OPRM1: variants seen among roughly 807,000 people sequenced by gnomAD.
The protein encoded by OPRM1 is opioid receptor mu 1, also known as mu-type opioid receptor.
In OPRM1, 27 loss-of-function variants were observed where a neutral mutation model predicts 31.8. That is an observed-to-expected ratio of 0.85 (90% confidence interval 0.63 to 1.17). The LOEUF is 1.17. Among genes scored for constraint, OPRM1 ranks in the 50% most tolerant of loss-of-function variants. The probability of loss-of-function intolerance (pLI) is 0.00; values close to 1 mark genes in which losing one functional copy is unlikely to be tolerated. For synonymous variants in OPRM1, 196 were observed against 189.9 expected, an observed-to-expected ratio of 1.03 and a Z score of -0.26; for missense variants, 536 against 511.1, an observed-to-expected ratio of 1.05 and a Z score of -0.47.
intron 1 of OPRM1, among the ~76,000 whole-genome samples, chr6:154,084,915 TAAACACAC>T (rs1462482448): frequency 8.6e-6 from 1 of 116,584 alleles, no homozygotes; most frequent in Non-Finnish European, 1.8e-5. Context: ...GATGTGGAAT[TAAACACAC>T]ACACACACAC....
At chr6:154,147,183 T>C (rs942767438) in intron 3 of OPRM1, among the ~76,000 whole-genome samples, 1 of 152,168 alleles carries the variant, frequency 6.6e-6, no homozygotes, top group Non-Finnish European at 1.5e-5. Context: ...GCAGCCACCA[T>C]TCACTGTAAT....
intron 3 of OPRM1, among the ~76,000 whole-genome samples, chr6:154,228,971 C>T (rs1462858282): frequency 2.6e-5 from 4 of 152,216 alleles, no homozygotes; most frequent in African/African-American, 7.2e-5. Flanking sequence ...CCCTATAATG[C>T]CCTTCCTACC....
chr6:154,056,673 G>C (rs1001224744), intron 1 of OPRM1, among the ~76,000 whole-genome samples: 1 of 151,886 alleles, frequency 6.6e-6, no homozygotes. Context: ...CAATGGAAGG[G>C]AAGGCCTCTT....
chr6:154,197,544 G>C (rs757680359), intron 3 of OPRM1, among the ~76,000 whole-genome samples: 1 of 152,204 alleles, frequency 6.6e-6, no homozygotes, highest in Non-Finnish European at 1.5e-5. Flanking sequence ...GCTGTTTGAA[G>C]AAGTATACAG....
At chr6:154,164,044 C>T (rs926440717) in intron 3 of OPRM1, among the ~76,000 whole-genome samples, 1 of 152,284 alleles carries the variant, frequency 6.6e-6, no homozygotes, top group Admixed American at 6.5e-5. Flanking sequence ...ACAACAACAA[C>T]AAAAGCTTTC....
intron 1 of OPRM1, among the ~76,000 whole-genome samples, chr6:154,019,884 C>T (rs1778257890): frequency 6.6e-6 from 1 of 151,782 alleles, no homozygotes; most frequent in Non-Finnish European, 1.5e-5. Flanking sequence ...CAGACACATG[C>T]CACCGTGCTT....
At chr6:154,011,861 A>G (rs530621582) in intron 1 of OPRM1, among the ~76,000 whole-genome samples, 1 of 151,998 alleles carries the variant, frequency 6.6e-6, no homozygotes, top group South Asian at 2.1e-4. Context: ...ATTTAACATT[A>G]TGAAAAAAGA....
intron 3 of OPRM1, among the ~76,000 whole-genome samples, chr6:154,241,163 G>A (rs572963230): frequency 1.3e-5 from 2 of 151,256 alleles, no homozygotes; most frequent in South Asian, 2.1e-4. Flanking sequence ...TTGAACCCGG[G>A]AGGCGGAGGT....
intron 3 of OPRM1, chr6:154,108,819 T>G (rs1172820429): frequency 1.0e-6 from 1 of 985,226 alleles, no homozygotes. Flanking sequence ...GAGGAATGCT[T>G]GATAACCTCG....
At position 154,131,037 on chromosome 6, in the gene OPRM1, T is replaced by TA. The variant is rs1047501411; in HGVS notation, c.*12324dup. 5.3e-5 allele frequency among the ~76,000 whole-genome samples: 8 copies of TA among 151,956 alleles called. No homozygotes were observed. In the East Asian group the frequency reaches 5.8e-4, roughly 11 times the overall value. ...TGTCAAACATAGCAAATAGGAAAGT[T>TA]AAAAAAAAGTAAGTCTAAAGATTAG... On this transcript the variant is annotated 3_prime_UTR_variant, in exon 4 of 4. Coordinates refer to ENST00000330432, the MANE Select transcript of OPRM1 (RefSeq NM_000914.5).
intron 3 of OPRM1, among the ~76,000 whole-genome samples, chr6:154,149,647 G>C (rs1320518520): frequency 2.6e-5 from 4 of 151,782 alleles, no homozygotes; most frequent in Non-Finnish European, 4.4e-5. Context: ...GAGAGAGAGA[G>C]AGAGAGAGAG....
chr6:154,218,949 C>T (rs1471185843), intron 3 of OPRM1: 4 of 152,094 alleles, frequency 2.6e-5, no homozygotes, highest in Non-Finnish European at 4.4e-5. Flanking sequence ...CATAGATAGG[C>T]GGTAAGATCT....
intron 1 of OPRM1, chr6:154,087,356 G>T (rs1048362545): frequency 2.2e-5 from 22 of 985,358 alleles, no homozygotes; most frequent in Non-Finnish European, 2.5e-5. Flanking sequence ...ACCAACAGCT[G>T]TCTTGGGCTG....
At chr6:154,034,282 C>T (rs763128286), upstream of OPRM1, among the ~76,000 whole-genome samples, 1 of 152,310 alleles carries the variant, frequency 6.6e-6, no homozygotes, top group South Asian at 2.1e-4. Flanking sequence ...CGGTGGCTCA[C>T]GCCTGTAATC....
chr6:154,026,658 C>A (rs1317395695), intron 1 of OPRM1, among the ~76,000 whole-genome samples: 4 of 152,038 alleles, frequency 2.6e-5, no homozygotes, highest in African/African-American at 9.7e-5. Flanking sequence ...CTTTTGTCTC[C>A]ACTGACTGTA....
At chr6:154,073,685 A>G (rs888056144) in intron 1 of OPRM1, 21 of 152,318 alleles carry the variant, frequency 1.4e-4, no homozygotes, top group African/African-American at 4.8e-4. Context: ...GAAACAGAAT[A>G]AAAAAGCAGT....
intron 1 of OPRM1, among the ~76,000 whole-genome samples, chr6:154,044,029 C>T (rs994331011): frequency 2.0e-5 from 3 of 151,854 alleles, no homozygotes; most frequent in Admixed American, 2.0e-4. Flanking sequence ...GAAAGAATGA[C>T]CTATCTGATA....
chr6:154,221,429 G>T, intron 3 of OPRM1: 1 of 859,250 alleles, frequency 1.2e-6, no homozygotes, highest in Non-Finnish European at 1.9e-6. Context: ...AAACTTGTCT[G>T]CTTTCTTTGT....
At chr6:154,231,270 G>A (rs1046458318) in intron 3 of OPRM1, among the ~76,000 whole-genome samples, 1 of 152,192 alleles carries the variant, frequency 6.6e-6, no homozygotes, top group Non-Finnish European at 1.5e-5. Context: ...AAAAGTTCTA[G>A]TTCTATGGAG....
Sources: gnomAD v4.1 joint callset for allele counts (sites outside exome capture counted in the v4.1 genomes callset) on GRCh38, gnomAD v4.1.1 for gene constraint, MANE v1.5 for transcripts, NCBI Gene and HGNC (gene_info 2026-07-23, HGNC 2026-07-21) for gene names.